NUDT3: variants seen among roughly 807,000 people sequenced by gnomAD.
NUDT3 encodes diphosphoinositol polyphosphate phosphohydrolase 1.
In NUDT3, 9 loss-of-function variants were observed where a neutral mutation model predicts 23.6. That is an observed-to-expected ratio of 0.38 (90% confidence interval 0.23 to 0.66). The LOEUF (loss-of-function observed/expected upper bound fraction) is 0.66, where lower values mean the gene tolerates loss of function less well. Among genes scored for constraint, NUDT3 ranks in the 30% least tolerant of loss-of-function variants. The pLI is 0.52. For missense variants in NUDT3, 172 were observed against 218.5 expected, an observed-to-expected ratio of 0.79 and a Z score of 1.34; for synonymous variants, 86 against 82.6, an observed-to-expected ratio of 1.04 and a Z score of -0.22.
intron 4 of NUDT3, among the ~76,000 whole-genome samples, chr6:34,292,153 C>G (rs1016895605): frequency 1.3e-5 from 2 of 152,150 alleles, no homozygotes; most frequent in Non-Finnish European, 2.9e-5. Flanking sequence ...GTCTCCTTTT[C>G]AAGCTCTAGC....
intron 2 of NUDT3, among the ~76,000 whole-genome samples, chr6:34,297,553 T>G (rs909781047): frequency 8.2e-5 from 12 of 146,834 alleles, no homozygotes; most frequent in African/African-American, 3.0e-4. Flanking sequence ...AGTCATTGTT[T>G]TTTTTTTTTT....
At chr6:34,373,053 G>T (rs1764858591) in intron 1 of NUDT3, among the ~76,000 whole-genome samples, 1 of 151,888 alleles carries the variant, frequency 6.6e-6, no homozygotes, top group Non-Finnish European at 1.5e-5. Context: ...GCCGAGGCGG[G>T]CGAATCACAA....
intron 2 of NUDT3, among the ~76,000 whole-genome samples, chr6:34,330,859 A>G (rs543123359): frequency 6.6e-6 from 1 of 152,262 alleles, no homozygotes; most frequent in South Asian, 2.1e-4. Flanking sequence ...GAGTTAAAAT[A>G]ACTTCTTTTT....
chr6:34,334,964 AGAGG>A (rs1764185424), intron 2 of NUDT3, among the ~76,000 whole-genome samples: 1 of 151,858 alleles, frequency 6.6e-6, no homozygotes, highest in Non-Finnish European at 1.5e-5. Flanking sequence ...AGAGAGAGAA[AGAGG>A]GAGAGAAAGA....
intron 2 of NUDT3, among the ~76,000 whole-genome samples, chr6:34,339,753 AAT>A (rs1337351995): frequency 6.6e-6 from 1 of 152,232 alleles, no homozygotes; most frequent in Non-Finnish European, 1.5e-5. Flanking sequence ...TGGCCTGTAT[AAT>A]AAATTTTTTC....
intron 1 of NUDT3, among the ~76,000 whole-genome samples, chr6:34,381,530 C>G (rs769894564): frequency 2.0e-5 from 3 of 151,804 alleles, no homozygotes; most frequent in African/African-American, 7.3e-5. Context: ...AAAAAACCCA[C>G]AGAAATACAA....
At chr6:34,294,951 T>C (rs1379543052) in intron 3 of NUDT3, among the ~76,000 whole-genome samples, 3 of 152,060 alleles carry the variant, frequency 2.0e-5, no homozygotes, top group African/African-American at 7.2e-5. Context: ...TTTCTCCTGA[T>C]TTCTCACTTT....
rs182826189 is a variant in NUDT3 at position 34,298,763 on chromosome 6, G to C, written c.211-3078C>G. 5.5e-4 allele frequency among the ~76,000 whole-genome samples: 83 copies of C among 152,208 alleles called. 1 individual carries two copies. Among genetic ancestry groups the C allele is most frequent in the Admixed American group, 3.9e-3 (60 of 15,288 alleles). On this transcript the variant is annotated intron_variant, in intron 2 of 4. Coordinates refer to ENST00000607016, the MANE Select transcript of NUDT3 (RefSeq NM_006703.4). The stretch of plus-strand genomic sequence containing the variant: ...ACATGGCTAATGATACTTTTTATTT[G>C]TCCCTTAGCCTTTCTTTCATAATAT...
chr6:34,391,799 C>T (rs1765205262), intron 1 of NUDT3, among the ~76,000 whole-genome samples: 1 of 149,366 alleles, frequency 6.7e-6, no homozygotes, highest in South Asian at 2.1e-4. Flanking sequence ...CCTCGGCAAA[C>T]CCCAAACCTG....
intron 2 of NUDT3, among the ~76,000 whole-genome samples, chr6:34,318,138 A>C (rs1763889008): frequency 6.6e-6 from 1 of 152,244 alleles, no homozygotes; most frequent in African/African-American, 2.4e-5. Context: ...TATAGAACGG[A>C]ATTTCAGCAA....
At chr6:34,302,193 G>A (rs1763608092) in intron 2 of NUDT3, among the ~76,000 whole-genome samples, 2 of 149,866 alleles carry the variant, frequency 1.3e-5, no homozygotes, top group Non-Finnish European at 3.0e-5. Context: ...CATCACAACT[G>A]GCTTTTTTTT....
intron 3 of NUDT3, 64 bp downstream of exon 3, chr6:34,295,577 C>G (rs944962942): frequency 6.5e-7 from 1 of 1,529,012 alleles, no homozygotes; most frequent in Non-Finnish European, 8.8e-7. Context: ...GGCATTTTTC[C>G]TATGTTAATA....
chr6:34,389,833 G>C (rs140155198), intron 1 of NUDT3, among the ~76,000 whole-genome samples: 1 of 151,876 alleles, frequency 6.6e-6, no homozygotes, highest in Non-Finnish European at 1.5e-5. Context: ...ACGTGGTCGC[G>C]GGCACCTGTA....
intron 1 of NUDT3, among the ~76,000 whole-genome samples, chr6:34,385,384 T>G (rs1487761492): frequency 6.6e-6 from 1 of 152,154 alleles, no homozygotes; most frequent in Admixed American, 6.5e-5. Flanking sequence ...GGTCGGGAGT[T>G]CGAGACCATA....
rs560890339 is a variant in NUDT3, at chr6:34,380,820, C to G, written c.99+11444G>C. On this transcript the variant is annotated intron_variant, in intron 1 of 4. Coordinates refer to ENST00000607016, the MANE Select transcript of NUDT3 (RefSeq NM_006703.4). Reference sequence around the variant, plus strand: ...AATACAAACAGGCTTCCAAAGGCTGCATATCTGGGCCTCTGACTTAGACGG... The same window carrying G: ...AATACAAACAGGCTTCCAAAGGCTGGATATCTGGGCCTCTGACTTAGACGG... Among the ~76,000 whole-genome samples the G allele has an allele frequency of 4.0e-4, 61 of 152,290 alleles. 1 individual carries two copies. The highest frequency in any genetic ancestry group is 1.6e-4 in the Non-Finnish European group (11 of 68,026).
chr6:34,327,114 C>T (rs901662508), intron 2 of NUDT3, among the ~76,000 whole-genome samples: 7 of 151,874 alleles, frequency 4.6e-5, no homozygotes, highest in African/African-American at 1.7e-4. Context: ...GGTGAGTCAT[C>T]CAAATGATTG....
At chr6:34,309,221 A>C (rs1436428833) in intron 2 of NUDT3, among the ~76,000 whole-genome samples, 1 of 152,176 alleles carries the variant, frequency 6.6e-6, no homozygotes. Context: ...TCTCAAAAAA[A>C]AGAAAAAAAA....
At position 34,285,177 on chromosome 6, in the gene NUDT3, AAACACT is replaced by A. The variant is rs1003475067; in HGVS notation, c.*3570_*3575del. The A allele has an allele frequency of 6.6e-6, 1 of 152,236 alleles. No homozygotes were observed. The highest frequency in any genetic ancestry group is 6.5e-5 in the Admixed American group (1 of 15,288). 9.4% of individuals were successfully genotyped at this position (152,236 alleles called of 1,614,324 possible). On this transcript the variant is annotated 3_prime_UTR_variant, in exon 5 of 5. Transcript: ENST00000607016. ...GGAGTGGTGGACACTTGTGAAAACAAAACACTAACTGTTCCATCCTGTTATATTTGC... is the reference window on the plus strand; with the variant it reads ...GGAGTGGTGGACACTTGTGAAAACAAAACTGTTCCATCCTGTTATATTTGC...
At chr6:34,338,348 C>G (rs1482938686) in intron 2 of NUDT3, among the ~76,000 whole-genome samples, 1 of 152,226 alleles carries the variant, frequency 6.6e-6, no homozygotes, top group Non-Finnish European at 1.5e-5. Flanking sequence ...TCCAGACATT[C>G]TCCTAGGAGC....
Sources: gnomAD v4.1 joint callset for allele counts (sites outside exome capture counted in the v4.1 genomes callset) on GRCh38, gnomAD v4.1.1 for gene constraint, MANE v1.5 for transcripts, NCBI Gene and HGNC (gene_info 2026-07-23, HGNC 2026-07-21) for gene names.